The following ALG13 variants were observed in gnomAD, a reference collection of about 807,000 sequenced individuals.
ALG13 encodes the protein ALG13 UDP-N-acetylglucosaminyltransferase subunit.
A neutral mutation model predicts 87.8 loss-of-function variants in ALG13; 11 were observed. The ratio of observed to expected loss-of-function variants is 0.13; its 90% CI spans 0.08 to 0.21. ALG13 has a LOEUF of 0.21. Among genes scored for constraint, ALG13 ranks in the 10% least tolerant of loss-of-function variants. ALG13 has a pLI of 1.00. For synonymous variants in ALG13, 320 were observed against 306.3 expected (o/e 1.04, Z -0.47); for missense variants, 756 against 866.1 (o/e 0.87, Z 1.60).
intron 14 of ALG13, 57 bp downstream of exon 14, chrX:111,723,955 GTAA>G: frequency 1.3e-6 from 1 of 777,967 alleles, no homozygotes; most frequent in Non-Finnish European, 1.8e-6. Flanking sequence ...GTTCCATTTC[GTAA>G]TATTAAATTG....
chrX:111,751,424 A>G (rs1003706870), intron 24 of ALG13, among the ~76,000 whole-genome samples: 5 of 111,774 alleles, frequency 4.5e-5, no homozygotes, highest in African/African-American at 1.6e-4. Flanking sequence ...AATTGGTGTG[A>G]CTCACTTCCT....
chrX:111,753,365 A>G (rs1015187538), intron 25 of ALG13, among the ~76,000 whole-genome samples: 1 of 111,780 alleles, frequency 8.9e-6, no homozygotes, highest in African/African-American at 3.3e-5. Flanking sequence ...TCTAAAATCA[A>G]CACCCTAACA....
rs1945589762 is a variant in ALG13 at position 111,759,761 on chromosome X, C to G, written c.3176C>G (p.Ser1059Cys). The change falls in exon 27 of 27, where the codon TCT becomes TGT. Residue 1059 changes from serine to cysteine, a missense_variant. Transcript: ENST00000394780. ...NDTFPNADSSSVPHGAVYYPV... is the reference protein window; with the variant it reads ...NDTFPNADSSCVPHGAVYYPV... ...ACTTTTCCGAATGCTGATTCTTCAT[C>G]TGTCCCTCATGGAGCAGTCTATTAT... The G allele has an allele frequency of 2.5e-6, 3 of 1,207,675 alleles. No individual in the cohort carries two copies. The highest frequency in any genetic ancestry group is 2.2e-6 in the Non-Finnish European group (2 of 893,008).
At chrX:111,747,995 A>C (rs1203167401) in intron 24 of ALG13, among the ~76,000 whole-genome samples, 8 of 112,041 alleles carry the variant, frequency 7.1e-5, no homozygotes, top group African/African-American at 2.6e-4. Context: ...TGGCCATTCT[A>C]ATAGGTGTGT....
chrX:111,750,748 A>G (rs1944655929), intron 24 of ALG13, among the ~76,000 whole-genome samples: 2 of 109,530 alleles, frequency 1.8e-5, no homozygotes, highest in South Asian at 7.8e-4. Flanking sequence ...GCTCACTACA[A>G]CCTCTGCCTC....
chrX:111,753,862 C>A (rs759797614), intron 25 of ALG13, among the ~76,000 whole-genome samples: 34 of 112,006 alleles, frequency 3.0e-4, no homozygotes, highest in Non-Finnish European at 5.5e-4. Flanking sequence ...GGAGCTGGTA[C>A]TATTCCTTCT....
chrX:111,741,674 A>G (rs754886062), intron 23 of ALG13, among the ~76,000 whole-genome samples: 1 of 110,603 alleles, frequency 9.0e-6, no homozygotes, highest in South Asian at 3.9e-4. Context: ...TTAGCCAGGC[A>G]TGGTGGCACA....
chrX:111,757,414 T>C, intron 25 of ALG13, 174 bp from the exon 26 acceptor site: 1 of 366,532 alleles, frequency 2.7e-6, no homozygotes, highest in East Asian at 4.3e-5. Flanking sequence ...ATCCTAAAGT[T>C]CTAATAGAGA....
intron 3 of ALG13, among the ~76,000 whole-genome samples, chrX:111,701,883 A>C (rs1413240062): frequency 9.0e-6 from 1 of 110,503 alleles, no homozygotes; most frequent in Admixed American, 9.6e-5. Flanking sequence ...CATTTGTCTC[A>C]AGGGTTTTTT....
At chrX:111,726,658 C>T in intron 15 of ALG13, 151 bp from the exon 16 acceptor site, 3 of 614,028 alleles carry the variant, frequency 4.9e-6, no homozygotes, top group African/African-American at 2.2e-5. Flanking sequence ...CTAGTATATC[C>T]TTCAAAAATA....
chrX:111,741,192 A>G (rs1045953872), intron 23 of ALG13, among the ~76,000 whole-genome samples: 1 of 112,070 alleles, frequency 8.9e-6, no homozygotes, highest in Non-Finnish European at 1.9e-5. Flanking sequence ...TGCAAAATCC[A>G]GACTATGGGA....
At chrX:111,705,925 C>G (rs949407936) in intron 3 of ALG13, among the ~76,000 whole-genome samples, 5 of 111,426 alleles carry the variant, frequency 4.5e-5, no homozygotes, top group Admixed American at 9.5e-5. Context: ...TTCCCTTCCT[C>G]AAAATGAAGC....
intron 3 of ALG13, among the ~76,000 whole-genome samples, chrX:111,698,298 T>C (rs1408602960): frequency 8.9e-6 from 1 of 112,230 alleles, no homozygotes; most frequent in Non-Finnish European, 1.9e-5. Flanking sequence ...AATGTTTTGC[T>C]ATTTGTGTAC....
intron 4 of ALG13, among the ~76,000 whole-genome samples, chrX:111,708,598 A>T (rs1739153632): frequency 9.0e-6 from 1 of 111,562 alleles, no homozygotes; most frequent in South Asian, 3.8e-4. Flanking sequence ...AACCTTTGCT[A>T]TCTTTTCTGT....
rs780580927 is a variant in ALG13 at position 111,726,812 on chromosome X, T to C, written c.1733T>C (p.Ile578Thr). 1.7e-6 allele frequency: 2 copies of C among 1,211,226 alleles called. No homozygotes were observed. The highest frequency in any genetic ancestry group is 3.0e-5 in the East Asian group (1 of 33,828). ...MPGGYVPEIV[I>T]SEMDIKQQKK... The stretch of plus-strand genomic sequence containing the variant: ...TACCTCTTTGTTTGCCTGAAAGTTA[T>C]ATCAGAGATGGACATAAAGCAACAG... Residue 578 changes from isoleucine (I) to threonine (T), a missense_variant, in exon 16 of 27, where the codon ATA (isoleucine) becomes ACA (threonine). Physicochemically the swap from Ile to Thr is moderately conservative, Grantham distance 89 (BLOSUM62 -1). Coordinates refer to ENST00000394780, the MANE Select transcript of ALG13 (RefSeq NM_001099922.3).
chrX:111,732,887 T>G (rs1942851298), intron 21 of ALG13, among the ~76,000 whole-genome samples: 1 of 111,534 alleles, frequency 9.0e-6, no homozygotes, highest in Admixed American at 9.5e-5. Flanking sequence ...ATATCACCTC[T>G]TGAAGTAGCC....
chrX:111,719,381 G>A (rs771956327), intron 10 of ALG13, among the ~76,000 whole-genome samples: 5 of 111,781 alleles, frequency 4.5e-5, no homozygotes, highest in Non-Finnish European at 9.4e-5. Context: ...ATGTATTAGG[G>A]TAAAGGTTGC....
intron 9 of ALG13, 85 bp from the exon 10 acceptor site, chrX:111,718,027 A>G (rs1940883463): frequency 7.4e-6 from 8 of 1,079,421 alleles, no homozygotes; most frequent in Non-Finnish European, 1.0e-5. Flanking sequence ...GTTGGTACCT[A>G]TTTGCACGCA....
intron 5 of ALG13, among the ~76,000 whole-genome samples, chrX:111,709,699 T>A (rs1706896500): frequency 9.1e-6 from 1 of 110,309 alleles, no homozygotes; most frequent in Non-Finnish European, 1.9e-5. Context: ...TTTTTTTTTT[T>A]AAACACTTCT....
Sources: gnomAD v4.1 joint callset for allele counts (sites outside exome capture counted in the v4.1 genomes callset) on GRCh38, gnomAD v4.1.1 for gene constraint, MANE v1.5 for transcripts, NCBI Gene and HGNC (gene_info 2026-07-23, HGNC 2026-07-21) for gene names.